ENTREP2: variants seen among roughly 807,000 people sequenced by gnomAD.
ENTREP2 encodes the protein endosomal transmembrane epsin interactor 2, also known as protein ENTREP2.
the ENTREP2 span, among the ~76,000 whole-genome samples, chr15:29,145,883 G>A: frequency 6.6e-6 from 1 of 152,138 alleles, no homozygotes; most frequent in Non-Finnish European, 1.5e-5. Context: ...ATTTCTATTT[G>A]CAGGTGACAT....
chr15:29,284,698 A>G, the ENTREP2 span, among the ~76,000 whole-genome samples: 3 of 152,194 alleles, frequency 2.0e-5, no homozygotes, highest in East Asian at 5.8e-4. Context: ...CCACCAGGCA[A>G]CTACAGAGAA....
At chr15:29,582,899 T>C in the ENTREP2 span, among the ~76,000 whole-genome samples, 11 of 152,210 alleles carry the variant, frequency 7.2e-5, no homozygotes, top group East Asian at 1.9e-4. Flanking sequence ...ACCCGCCCCA[T>C]TGGCCTCCCA....
At chr15:29,354,257 C>G in the ENTREP2 span, among the ~76,000 whole-genome samples, 1 of 152,172 alleles carries the variant, frequency 6.6e-6, no homozygotes, top group African/African-American at 2.4e-5. Context: ...AGCTCCACCC[C>G]TCCTCCTGTT....
the ENTREP2 span, among the ~76,000 whole-genome samples, chr15:29,474,678 C>T: frequency 1.3e-5 from 2 of 152,098 alleles, no homozygotes; most frequent in African/African-American, 4.8e-5. Flanking sequence ...CCTCAGCCTC[C>T]CAAGTAGCTG....
chr15:29,534,130 A>T, the ENTREP2 span, among the ~76,000 whole-genome samples: 4 of 150,388 alleles, frequency 2.7e-5, no homozygotes, highest in Admixed American at 2.7e-4. Context: ...AAAAAAAAAA[A>T]AAAAAAAGAA....
the ENTREP2 span, chr15:29,269,392 G>C: frequency 3.7e-6 from 6 of 1,614,010 alleles, no homozygotes; most frequent in Non-Finnish European, 5.1e-6. Context: ...CCGCTTGATC[G>C]GAATCTTCTT....
the ENTREP2 span, among the ~76,000 whole-genome samples, chr15:29,427,795 G>A: frequency 1.3e-5 from 2 of 152,272 alleles, no homozygotes; most frequent in East Asian, 1.9e-4. Context: ...TAGGAAGGAC[G>A]TGGACATCAG....
the ENTREP2 span, among the ~76,000 whole-genome samples, chr15:29,453,146 A>G: frequency 4.9e-4 from 74 of 152,338 alleles, no homozygotes; most frequent in African/African-American, 1.7e-3. Flanking sequence ...TGCCAATGCC[A>G]CACCACAGTC....
chr15:29,577,512 C>T, the ENTREP2 span, among the ~76,000 whole-genome samples: 1 of 152,022 alleles, frequency 6.6e-6, no homozygotes, highest in African/African-American at 2.4e-5. Flanking sequence ...CACCACCGTG[C>T]CTGACTAATT....
the ENTREP2 span, among the ~76,000 whole-genome samples, chr15:29,450,011 G>C: frequency 6.6e-6 from 1 of 152,128 alleles, no homozygotes; most frequent in Non-Finnish European, 1.5e-5. Flanking sequence ...GTGATATTGA[G>C]CATTTTTTCA....
At chr15:29,629,698 G>A in the ENTREP2 span, among the ~76,000 whole-genome samples, 1 of 152,106 alleles carries the variant, frequency 6.6e-6, no homozygotes, top group South Asian at 2.1e-4. Flanking sequence ...TAAGGAGAAG[G>A]ATAGTCTATT....
the ENTREP2 span, among the ~76,000 whole-genome samples, chr15:29,529,081 C>A: frequency 1.3e-5 from 2 of 150,490 alleles, no homozygotes; most frequent in Non-Finnish European, 2.9e-5. Flanking sequence ...ATGAAACCAG[C>A]CTATTTGAGT....
chr15:29,125,846 G>C, the ENTREP2 span, among the ~76,000 whole-genome samples: 2 of 152,216 alleles, frequency 1.3e-5, no homozygotes, highest in Non-Finnish European at 2.9e-5. Context: ...GCTGTGTGGA[G>C]AGCCAAGCTG....
chr15:29,290,255 C>T, the ENTREP2 span, among the ~76,000 whole-genome samples: 4 of 152,214 alleles, frequency 2.6e-5, no homozygotes, highest in South Asian at 2.1e-4. Flanking sequence ...AACTTCTCCT[C>T]GCAGTCTGTT....
chr15:29,572,545 CTT>C, the ENTREP2 span, among the ~76,000 whole-genome samples: 20,331 of 143,890 alleles, frequency 0.14, 2,360 homozygotes, highest in East Asian at 0.47. Flanking sequence ...AATCATAAGG[CTT>C]TTTTTTTTTT....
the ENTREP2 span, among the ~76,000 whole-genome samples, chr15:29,404,070 C>A: frequency 6.6e-6 from 1 of 152,050 alleles, no homozygotes; most frequent in African/African-American, 2.4e-5. Flanking sequence ...ATCTCCTGTC[C>A]CCACGAGGTT....
At chr15:29,146,517 C>G in the ENTREP2 span, among the ~76,000 whole-genome samples, 2 of 152,182 alleles carry the variant, frequency 1.3e-5, no homozygotes, top group Admixed American at 1.3e-4. Context: ...TCAATTGAGT[C>G]TGACTAATGT....
chr15:29,631,919 C>T, the ENTREP2 span, among the ~76,000 whole-genome samples: 7 of 152,020 alleles, frequency 4.6e-5, no homozygotes, highest in Non-Finnish European at 7.4e-5. Context: ...TGCTGCTGGG[C>T]GGGGCATAGG....
the ENTREP2 span, among the ~76,000 whole-genome samples, chr15:29,357,927 G>A: frequency 6.6e-6 from 1 of 151,878 alleles, no homozygotes; most frequent in South Asian, 2.1e-4. Context: ...AGATGCCGTG[G>A]CACACTCACC....
Sources: allele counts gnomAD v4.1 joint callset (sites outside exome capture counted in the v4.1 genomes callset), GRCh38; gene constraint gnomAD v4.1.1; transcripts MANE v1.5; gene names NCBI Gene and HGNC (gene_info 2026-07-23, HGNC 2026-07-21).